Variants in LARGE1 observed in about 807,000 individuals in gnomAD.
The protein encoded by LARGE1 is xylosyl- and glucuronyltransferase LARGE1.
In LARGE1, 43 loss-of-function variants were observed where a neutral mutation model predicts 87.6. The observed-to-expected ratio is 0.49, with a 90% CI of 0.38 to 0.63. The LOEUF (loss-of-function observed/expected upper bound fraction) is 0.63. Ranked by LOEUF, LARGE1 falls within the 30% of genes least tolerant of loss-of-function variation. The probability of loss-of-function intolerance (pLI) is 0.00; values close to 1 mark genes in which losing one functional copy is unlikely to be tolerated. For synonymous variants in LARGE1, 434 were observed against 394.6 expected (o/e 1.10, Z -1.18); for missense variants, 802 against 1,000.2 (o/e 0.80, Z 2.67).
chr22:33,069,816 CTTTT>C, the LARGE1 span, among the ~76,000 whole-genome samples: 2 of 126,768 alleles, frequency 1.6e-5, no homozygotes, highest in Non-Finnish European at 3.2e-5. Context: ...TTATTACATT[CTTTT>C]TTTTTTTTTT....
At chr22:33,489,701 C>T (rs1018545095) in intron 6 of LARGE1, among the ~76,000 whole-genome samples, 25 of 152,086 alleles carry the variant, frequency 1.6e-4, no homozygotes, top group African/African-American at 6.0e-4. Flanking sequence ...TCCATTAAAC[C>T]CTCTTTTTCT....
Position 33,847,213 on chromosome 22 carries a change from C to T in LARGE1, c.-83+72782G>A, listed in dbSNP as rs564875125. Among the ~76,000 whole-genome samples, 10 of 152,310 alleles carry T rather than the reference C, an allele frequency of 6.6e-5. No individual in the cohort carries two copies. The South Asian group carries it at 1.5e-3, about 22-fold the overall frequency. On this transcript the variant is annotated intron_variant, in intron 1 of 14. Coordinates refer to ENST00000397394, the MANE Select transcript of LARGE1 (RefSeq NM_133642.5). ...AAAAGAACCTACGTGACTATCGGGGCAGGTTCCCCGATAAAGTTCCATCAA... is the reference window on the plus strand; with the variant it reads ...AAAAGAACCTACGTGACTATCGGGGTAGGTTCCCCGATAAAGTTCCATCAA...
chr22:33,534,063 A>G (rs1464182335), intron 6 of LARGE1, among the ~76,000 whole-genome samples: 1 of 151,998 alleles, frequency 6.6e-6, no homozygotes, highest in African/African-American at 2.4e-5. Context: ...GTAGGTGGGC[A>G]GCTTTGAGTG....
chr22:33,920,253 G>C lies in LARGE1; in HGVS notation c.-341C>G, dbSNP rs2065906997. On this transcript the variant is annotated 5_prime_UTR_variant, in exon 1 of 15. Coordinates refer to ENST00000397394, the MANE Select transcript of LARGE1 (RefSeq NM_133642.5). ...CTGCCTGGAGCTGCTCCCGGCCCGG[G>C]GGACTCTTCCGAGCCAGGGGCGCCC... is the stretch of plus-strand genomic sequence containing the variant. The C allele has an allele frequency of 6.5e-6, 1 of 152,784 alleles. No homozygotes were observed. Among genetic ancestry groups the C allele is most frequent in the Non-Finnish European group, 1.5e-5 (1 of 68,566 alleles). The allele number at this position is 152,784 out of a possible 1,614,324, so 9.5% of individuals were successfully genotyped here.
chr22:33,458,741 T>C (rs112242731), intron 6 of LARGE1, among the ~76,000 whole-genome samples: 3 of 152,188 alleles, frequency 2.0e-5, no homozygotes, highest in African/African-American at 7.2e-5. Context: ...TTTTACTTTT[T>C]TATTAGGAAC....
intron 6 of LARGE1, among the ~76,000 whole-genome samples, chr22:33,537,091 G>A (rs565629355): frequency 1.2e-4 from 18 of 152,348 alleles, no homozygotes; most frequent in Admixed American, 2.6e-4. Flanking sequence ...GATTACAGGC[G>A]TGAGCCACCG....
chr22:33,298,520 A>G (rs1933673674), intron 12 of LARGE1, among the ~76,000 whole-genome samples: 1 of 152,192 alleles, frequency 6.6e-6, no homozygotes, highest in South Asian at 2.1e-4. Flanking sequence ...AATAAATTCT[A>G]AATAAAGAGT....
At chr22:33,345,864 G>T (rs140999918) in intron 9 of LARGE1, among the ~76,000 whole-genome samples, 1,582 of 152,242 alleles carry the variant, frequency 0.01, 10 homozygotes, top group South Asian at 0.017. Context: ...GACCCCAGAG[G>T]GTTCATAAAA....
At chr22:33,899,914 A>G (rs1476104103) in intron 1 of LARGE1, among the ~76,000 whole-genome samples, 3 of 152,224 alleles carry the variant, frequency 2.0e-5, no homozygotes, top group Non-Finnish European at 2.9e-5. Flanking sequence ...AAAAGGCACA[A>G]ATCCTTTAAA....
At chr22:33,219,282 C>T (rs1349355749) in intron 11 of LARGE1, among the ~76,000 whole-genome samples, 1 of 152,186 alleles carries the variant, frequency 6.6e-6, no homozygotes, top group Non-Finnish European at 1.5e-5. Context: ...GAAGCCTGCA[C>T]TTTTCACCAC....
chr22:33,618,818 C>T (rs2079655621), intron 4 of LARGE1, among the ~76,000 whole-genome samples: 1 of 152,246 alleles, frequency 6.6e-6, no homozygotes, highest in Non-Finnish European at 1.5e-5. Context: ...ACCCGCCTTC[C>T]TGTTTGGTGT....
chr22:33,106,485 C>T, the LARGE1 span, among the ~76,000 whole-genome samples: 28 of 150,658 alleles, frequency 1.9e-4, no homozygotes, highest in South Asian at 2.4e-3. Context: ...TTGCAGTTTT[C>T]GCCATTCCTT....
intron 7 of LARGE1, among the ~76,000 whole-genome samples, chr22:33,430,597 AT>A (rs1411333633): frequency 1.3e-5 from 2 of 152,178 alleles, no homozygotes; most frequent in Non-Finnish European, 2.9e-5. Flanking sequence ...GAAAAAAAAA[AT>A]TACATAGAGC....
intron 12 of LARGE1, among the ~76,000 whole-genome samples, chr22:33,289,393 A>G (rs987398268): frequency 6.6e-6 from 1 of 152,208 alleles, no homozygotes; most frequent in Non-Finnish European, 1.5e-5. Context: ...TCCTGACTTC[A>G]GGCCCATTCT....
At chr22:33,782,666 A>G (rs2085459655) in intron 1 of LARGE1, among the ~76,000 whole-genome samples, 1 of 152,014 alleles carries the variant, frequency 6.6e-6, no homozygotes, top group Non-Finnish European at 1.5e-5. Flanking sequence ...GGAGATCAAG[A>G]CCATCCTGGC....
chr22:33,128,986 A>G, the LARGE1 span, among the ~76,000 whole-genome samples: 2 of 152,230 alleles, frequency 1.3e-5, no homozygotes, highest in African/African-American at 4.8e-5. Flanking sequence ...TGCTGGGCTT[A>G]ATAACTAGCT....
At chr22:33,547,086 C>T (rs1007312210) in intron 6 of LARGE1, among the ~76,000 whole-genome samples, 1 of 151,792 alleles carries the variant, frequency 6.6e-6, no homozygotes, top group Non-Finnish European at 1.5e-5. Context: ...GTGGACTGAA[C>T]TGTTATATGC....
chr22:33,449,681 G>A (rs954247763), intron 6 of LARGE1, among the ~76,000 whole-genome samples: 1 of 152,230 alleles, frequency 6.6e-6, no homozygotes, highest in Non-Finnish European at 1.5e-5. Flanking sequence ...GGGTTAGGCT[G>A]CCTGGTATAT....
At chr22:33,675,876 A>T (rs1458008868) in intron 2 of LARGE1, among the ~76,000 whole-genome samples, 2 of 145,476 alleles carry the variant, frequency 1.4e-5, no homozygotes, top group Non-Finnish European at 2.9e-5. Flanking sequence ...AAATAATTGG[A>T]AAGTTAAATA....
Sources: allele counts gnomAD v4.1 joint callset (sites outside exome capture counted in the v4.1 genomes callset), GRCh38; gene constraint gnomAD v4.1.1; transcripts MANE v1.5; gene names NCBI Gene and HGNC (gene_info 2026-07-23, HGNC 2026-07-21).